The following ELOVL5 variants were observed in gnomAD, a reference collection of about 807,000 sequenced individuals.
ELOVL5 encodes the protein very long chain fatty acid elongase 5.
ELOVL5 carries 8 observed loss-of-function variants against 38.6 expected under a neutral mutation model. That is an observed-to-expected ratio of 0.21 (90% CI 0.12 to 0.37). ELOVL5 has a LOEUF of 0.37. ELOVL5 is among the 10% of genes least tolerant of loss of function. The pLI, the probability that ELOVL5 is intolerant of heterozygous loss-of-function variation, is 1.00. For synonymous variants in ELOVL5, 127 were observed against 133.7 expected (o/e 0.95, Z 0.34); for missense variants, 280 against 367.8 (o/e 0.76, Z 1.95).
At chr6:53,326,043 TG>T (rs1420718863) in intron 1 of ELOVL5, among the ~76,000 whole-genome samples, 3 of 152,134 alleles carry the variant, frequency 2.0e-5, no homozygotes, top group East Asian at 3.9e-4. Flanking sequence ...GGAGGCACAA[TG>T]GTTGGTGGAT....
chr6:53,287,839 C>T (rs1246811305), intron 3 of ELOVL5: 2 of 1,531,798 alleles, frequency 1.3e-6, no homozygotes, highest in Non-Finnish European at 8.7e-7. Flanking sequence ...AATTCAAAGC[C>T]ATGTGCACTG....
intron 2 of ELOVL5, among the ~76,000 whole-genome samples, chr6:53,292,172 T>C (rs560730015): frequency 1.3e-5 from 2 of 152,326 alleles, no homozygotes; most frequent in South Asian, 2.1e-4. Flanking sequence ...CAATGTATTA[T>C]TCATGATTTT....
At chr6:53,284,534 T>C (rs938112666) in intron 3 of ELOVL5, among the ~76,000 whole-genome samples, 2 of 152,096 alleles carry the variant, frequency 1.3e-5, no homozygotes, top group African/African-American at 2.4e-5. Flanking sequence ...GTTACAAAAA[T>C]TCTACAAAGC....
rs138589124 is a variant in ELOVL5 at position 53,345,325 on chromosome 6, A to G, written c.-9+3492T>C. ...CAGGTCAGATGCACAGGTAGGTCTC[A>G]GTTGGGTTTTCTGTTTCTTGCACCA... On this transcript the variant is annotated intron_variant, in intron 1 of 7. Transcript: ENST00000304434. 8.2e-3 allele frequency among the ~76,000 whole-genome samples: 1,250 copies of G among 152,300 alleles called. 10 individuals are homozygous for G. Among genetic ancestry groups the G allele is most frequent in the Non-Finnish European group, 0.012 (794 of 68,022 alleles).
chr6:53,326,820 G>GA (rs901744363), intron 1 of ELOVL5, among the ~76,000 whole-genome samples: 3 of 152,112 alleles, frequency 2.0e-5, no homozygotes, highest in Admixed American at 6.5e-5. Flanking sequence ...CGAGAAAGCA[G>GA]AAAAAAACCC....
At chr6:53,322,059 C>CT (rs1645682454) in intron 1 of ELOVL5, among the ~76,000 whole-genome samples, 1 of 152,186 alleles carries the variant, frequency 6.6e-6, no homozygotes, top group South Asian at 2.1e-4. Flanking sequence ...AAGTATTATG[C>CT]TTCACATAAA....
intron 1 of ELOVL5, among the ~76,000 whole-genome samples, chr6:53,308,025 G>T (rs1236545075): frequency 6.6e-6 from 1 of 152,132 alleles, no homozygotes; most frequent in Non-Finnish European, 1.5e-5. Context: ...TTACATAAAA[G>T]ATGGTGACAT....
intron 1 of ELOVL5, among the ~76,000 whole-genome samples, chr6:53,346,962 G>T (rs1241820238): frequency 1.3e-5 from 2 of 152,192 alleles, no homozygotes; most frequent in Non-Finnish European, 2.9e-5. Context: ...CTCAATGCTG[G>T]GCTCTCATTT....
rs530761813 is a variant in ELOVL5, at chr6:53,271,923, C to T, written c.622-1196G>A. On this transcript the variant is annotated intron_variant, in intron 6 of 7. Coordinates refer to ENST00000304434, the MANE Select transcript of ELOVL5 (RefSeq NM_021814.5). ...AGTCTGTTCTTTTAAATTCTGCTTC[C>T]GCCAGACCCAAAACTGTGGTATAAA... 1.1e-4 allele frequency among the ~76,000 whole-genome samples: 17 copies of T among 152,248 alleles called. 1 individual carries two copies. In the South Asian group the frequency reaches 1.5e-3, roughly 13 times the overall value.
At chr6:53,340,168 G>T (rs1180493002) in intron 1 of ELOVL5, among the ~76,000 whole-genome samples, 3 of 151,830 alleles carry the variant, frequency 2.0e-5, no homozygotes, top group East Asian at 3.8e-4. Context: ...GAGTAAAAAA[G>T]TTTAAAAAAT....
intron 1 of ELOVL5, among the ~76,000 whole-genome samples, chr6:53,304,057 G>A (rs1239115388): frequency 6.6e-6 from 1 of 152,158 alleles, no homozygotes; most frequent in Non-Finnish European, 1.5e-5. Flanking sequence ...CTGTGTTCAG[G>A]TATTATGGGA....
At chr6:53,295,835 T>C (rs1410663700) in intron 1 of ELOVL5, 128 bp from the exon 2 acceptor site, 16 of 545,024 alleles carry the variant, frequency 2.9e-5, no homozygotes, top group Non-Finnish European at 1.2e-5. Context: ...GTTCCTTAGG[T>C]TAAAAGAATT....
At chr6:53,283,310 G>C (rs1390121146) in intron 3 of ELOVL5, among the ~76,000 whole-genome samples, 2 of 152,138 alleles carry the variant, frequency 1.3e-5, no homozygotes, top group East Asian at 1.9e-4. Flanking sequence ...TGTGGAAAAG[G>C]CATGTTTACC....
In ELOVL5 at chr6:53,268,717, G is replaced by A. The variant is rs780798939; in HGVS notation, c.*410C>T. On this transcript the variant is annotated 3_prime_UTR_variant, in exon 8 of 8. Transcript: ENST00000304434. Reference sequence around the variant, plus strand: ...CCCTGCTTTTTAAATTTTAAGGCATGTGTGTTTCTCTACCATAACAACATT... The same window carrying A: ...CCCTGCTTTTTAAATTTTAAGGCATATGTGTTTCTCTACCATAACAACATT... 2 of 154,286 alleles carry A rather than the reference G, an allele frequency of 1.3e-5. No individual in the cohort carries two copies. Among genetic ancestry groups the A allele is most frequent in the Non-Finnish European group, 2.9e-5 (2 of 69,312 alleles). 9.6% of individuals were successfully genotyped at this position (154,286 alleles called of 1,614,324 possible).
chr6:53,277,161 G>A (rs1766171763), intron 3 of ELOVL5: 1 of 153,700 alleles, frequency 6.5e-6, no homozygotes. Flanking sequence ...AACAAGAGGT[G>A]ATTACAAGGA....
intron 3 of ELOVL5, among the ~76,000 whole-genome samples, chr6:53,277,451 A>G (rs1428020205): frequency 1.3e-5 from 2 of 152,156 alleles, no homozygotes; most frequent in Non-Finnish European, 2.9e-5. Context: ...GGAAGGCTTG[A>G]GTGCCAGGCC....
At chr6:53,291,647 T>C (rs1261881470) in intron 3 of ELOVL5, 129 bp downstream of exon 3, 26 of 614,256 alleles carry the variant, frequency 4.2e-5, no homozygotes, top group Non-Finnish European at 6.0e-5. Context: ...TCATAACGCA[T>C]TAAGATACTT....
At chr6:53,321,654 A>G (rs1242153674) in intron 1 of ELOVL5, among the ~76,000 whole-genome samples, 1 of 152,218 alleles carries the variant, frequency 6.6e-6, no homozygotes, top group Non-Finnish European at 1.5e-5. Context: ...AACTGCAACC[A>G]TTGCCATAAC....
intron 1 of ELOVL5, among the ~76,000 whole-genome samples, chr6:53,339,227 T>C (rs1769215044): frequency 6.6e-6 from 1 of 152,222 alleles, no homozygotes; most frequent in South Asian, 2.1e-4. Flanking sequence ...AAACCAACAG[T>C]TGTTTTATCA....
Sources: allele counts gnomAD v4.1 joint callset (sites outside exome capture counted in the v4.1 genomes callset), GRCh38; gene constraint gnomAD v4.1.1; transcripts MANE v1.5; gene names NCBI Gene and HGNC (gene_info 2026-07-23, HGNC 2026-07-21).